Variants in HECW1 observed in about 807,000 individuals in gnomAD.
The protein encoded by HECW1 is HECT, C2 and WW domain containing E3 ubiquitin protein ligase 1.
HECW1 carries 61 observed loss-of-function variants against 182.3 expected under a neutral mutation model. The observed-to-expected ratio is 0.33, with a 90% CI of 0.27 to 0.41. The LOEUF is 0.41. HECW1 is among the 10% of genes least tolerant of loss of function. The pLI is 1.00. For synonymous variants in HECW1, 859 were observed against 832.6 expected, an observed-to-expected ratio of 1.03 and a Z score of -0.55; for missense variants, 1,739 against 2,108.9, an observed-to-expected ratio of 0.82 and a Z score of 3.44.
intron 5 of HECW1, among the ~76,000 whole-genome samples, chr7:43,341,133 G>A (rs563833742): frequency 6.6e-6 from 1 of 151,618 alleles, no homozygotes; most frequent in South Asian, 2.1e-4. Flanking sequence ...CACAGGGCAG[G>A]GAATATCACA....
At chr7:43,393,315 G>T (rs1397371955) in intron 6 of HECW1, among the ~76,000 whole-genome samples, 2 of 152,154 alleles carry the variant, frequency 1.3e-5, no homozygotes, top group African/African-American at 4.8e-5. Flanking sequence ...GCCTCAGGTT[G>T]CTCCAGGGTG....
At chr7:43,434,698 G>C (rs943178510) in intron 8 of HECW1, among the ~76,000 whole-genome samples, 1 of 152,168 alleles carries the variant, frequency 6.6e-6, no homozygotes, top group Admixed American at 6.5e-5. Flanking sequence ...AGGGCCTGGT[G>C]GGGAGAGAGG....
Position 43,508,053 on chromosome 7 carries a change from C to A in HECW1, c.3788C>A (p.Thr1263Asn), listed in dbSNP as rs1226601533. The change falls in exon 23 of 30, where the codon ACC (threonine) becomes AAC (asparagine). Residue 1263 changes from threonine (T) to asparagine (N), a missense_variant. Transcript: ENST00000395891. Reference sequence around the variant, plus strand: ...CGCCGGGATCATTTGTTGGAGGGAACCTTCAATCAGGTGATGGCCTATTCG... The same window carrying A: ...CGCCGGGATCATTTGTTGGAGGGAAACTTCAATCAGGTGATGGCCTATTCG... ...IIRRDHLLEG[T>N]FNQVMAYSRK... The A allele has an allele frequency of 1.9e-6, 3 of 1,613,904 alleles. No homozygotes were observed. The highest frequency in any genetic ancestry group is 2.5e-6 in the Non-Finnish European group (3 of 1,179,908).
intron 12 of HECW1, among the ~76,000 whole-genome samples, chr7:43,455,865 G>C (rs955986229): frequency 1.3e-5 from 2 of 152,112 alleles, no homozygotes; most frequent in Non-Finnish European, 2.9e-5. Flanking sequence ...GCCGGACCTG[G>C]TGGCAGGCAC....
At chr7:43,410,183 G>T (rs2075753355) in intron 8 of HECW1, among the ~76,000 whole-genome samples, 1 of 152,148 alleles carries the variant, frequency 6.6e-6, no homozygotes, top group African/African-American at 2.4e-5. Flanking sequence ...CTTCCTGGGA[G>T]AAAATGACTG....
At chr7:43,355,502 G>T (rs1187977092) in intron 5 of HECW1, among the ~76,000 whole-genome samples, 1 of 151,822 alleles carries the variant, frequency 6.6e-6, no homozygotes, top group Admixed American at 6.6e-5. Context: ...TATTCTTTGT[G>T]ATCTAAGATA....
In HECW1 at chr7:43,445,053, G is replaced by T. The variant is rs773284429; in HGVS notation, c.1881G>T (p.Thr627=). ...REEPEGATPG[T]AHPGHSGGHF... ...AGCCCGAGGGGGCTACTCCAGGCAC[G>T]GCGCACCCTGGCCACTCCGGGGGCC... The change falls in exon 11 of 30, where the codon ACG becomes ACT. Residue 627 remains threonine, a synonymous_variant. Coordinates refer to ENST00000395891, the MANE Select transcript of HECW1 (RefSeq NM_015052.5). 4 of 1,580,574 alleles carry T rather than the reference G, an allele frequency of 2.5e-6. No individual in the cohort carries two copies. Among genetic ancestry groups the T allele is most frequent in the Non-Finnish European group, 3.4e-6 (4 of 1,163,652 alleles).
intron 2 of HECW1, among the ~76,000 whole-genome samples, chr7:43,199,849 C>CTA (rs1184804646): frequency 6.6e-6 from 1 of 151,946 alleles, no homozygotes; most frequent in East Asian, 1.9e-4. Flanking sequence ...GGCATAAATT[C>CTA]TATATATACA....
chr7:43,232,670 C>A (rs11983836), intron 2 of HECW1, among the ~76,000 whole-genome samples: 1 of 152,118 alleles, frequency 6.6e-6, no homozygotes, highest in African/African-American at 2.4e-5. Flanking sequence ...ACTCATGATA[C>A]CTCTTAAAAC....
At chr7:43,139,808 GA>G (rs1562588613) in intron 2 of HECW1, among the ~76,000 whole-genome samples, 1 of 120,290 alleles carries the variant, frequency 8.3e-6, no homozygotes, top group Non-Finnish European at 1.8e-5. Flanking sequence ...TTCATCTTTG[GA>G]AAAAGGGCAA....
intron 3 of HECW1, among the ~76,000 whole-genome samples, chr7:43,275,064 G>A (rs1304761299): frequency 6.6e-6 from 1 of 152,162 alleles, no homozygotes; most frequent in Non-Finnish European, 1.5e-5. Flanking sequence ...GGTCCTCAGA[G>A]AATAACAGAG....
chr7:43,274,356 G>T, intron 3 of HECW1: 1 of 706,832 alleles, frequency 1.4e-6, no homozygotes, highest in Non-Finnish European at 2.4e-6. Context: ...ACTGTGGACA[G>T]GTGTTTGAGA....
chr7:43,164,056 G>C lies in HECW1; in HGVS notation c.-32+49665G>C, dbSNP rs547848314. On this transcript the variant is annotated intron_variant, in intron 2 of 29. Coordinates refer to ENST00000395891, the MANE Select transcript of HECW1 (RefSeq NM_015052.5). ...GAGAAGAGCCAGGGCAGGCAGCGAA[G>C]AGAGCGGTTGGAGGCCCAGGCTTGG... 3.0e-4 allele frequency among the ~76,000 whole-genome samples: 46 copies of C among 152,314 alleles called. No individual in the cohort carries two copies. The East Asian group carries it at 8.3e-3, about 28-fold the overall frequency.
chr7:43,381,007 T>C (rs6463188), intron 6 of HECW1, among the ~76,000 whole-genome samples: 90,737 of 151,666 alleles, frequency 0.6, 27,511 homozygotes, highest in African/African-American at 0.69. Context: ...ACACTTGATA[T>C]TGTCTTTTTA....
At chr7:43,260,141 G>A (rs1408485951) in intron 3 of HECW1, among the ~76,000 whole-genome samples, 3 of 152,174 alleles carry the variant, frequency 2.0e-5, no homozygotes, top group Non-Finnish European at 4.4e-5. Context: ...AACAATGAAT[G>A]CCTAAAGGCA....
chr7:43,540,474 C>T (rs921725209), intron 24 of HECW1, among the ~76,000 whole-genome samples: 1 of 152,186 alleles, frequency 6.6e-6, no homozygotes, highest in African/African-American at 2.4e-5. Flanking sequence ...AGGTTACTTG[C>T]AAAATGCTCA....
At chr7:43,203,365 C>T (rs1337225357) in intron 2 of HECW1, among the ~76,000 whole-genome samples, 1 of 151,970 alleles carries the variant, frequency 6.6e-6, no homozygotes, top group East Asian at 1.9e-4. Context: ...TATATTATTT[C>T]TTTTCCTTCT....
chr7:43,363,365 C>T (rs1037591429), intron 6 of HECW1, among the ~76,000 whole-genome samples: 12 of 152,348 alleles, frequency 7.9e-5, no homozygotes, highest in African/African-American at 2.9e-4. Context: ...GCCCTGACCT[C>T]ATCTTTGTCA....
At chr7:43,310,789 A>T (rs1190237566) in intron 3 of HECW1, among the ~76,000 whole-genome samples, 1 of 152,230 alleles carries the variant, frequency 6.6e-6, no homozygotes, top group Non-Finnish European at 1.5e-5. Context: ...AGTTCCTGGG[A>T]TCTAAACTTC....
Sources: allele counts gnomAD v4.1 joint callset (sites outside exome capture counted in the v4.1 genomes callset), GRCh38; gene constraint gnomAD v4.1.1; transcripts MANE v1.5; gene names NCBI Gene and HGNC (gene_info 2026-07-23, HGNC 2026-07-21).